TANC2: variants seen among roughly 807,000 people sequenced by gnomAD.
TANC2 encodes tetratricopeptide repeat, ankyrin repeat and coiled-coil containing 2.
A neutral mutation model predicts 210.5 loss-of-function variants in TANC2; 26 were observed. The observed-to-expected ratio is 0.12, with a 90% confidence interval of 0.09 to 0.17. The LOEUF (loss-of-function observed/expected upper bound fraction) is 0.17. Among genes scored for constraint, TANC2 ranks in the 10% least tolerant of loss-of-function variants. The pLI, the probability that TANC2 is intolerant of heterozygous loss-of-function variation, is 1.00. For synonymous variants in TANC2, 931 were observed against 967.1 expected (o/e 0.96, Z 0.69); for missense variants, 2,129 against 2,608.9 (o/e 0.82, Z 4.01).
chr17:63,340,297 G>T (rs768930153), exon 12 of TANC2: 1 of 1,613,900 alleles, frequency 6.2e-7, no homozygotes, highest in South Asian at 1.1e-5. Flanking sequence ...TCCTTCCGGA[G>T]GGGAGTTCTG....
At chr17:63,242,889 A>G (rs901952344) in intron 8 of TANC2, among the ~76,000 whole-genome samples, 4 of 152,202 alleles carry the variant, frequency 2.6e-5, no homozygotes, top group Non-Finnish European at 4.4e-5. Flanking sequence ...AAAAAAATAT[A>G]TGCTATATGA....
intron 1 of TANC2, among the ~76,000 whole-genome samples, chr17:62,971,753 C>G (rs1241836313): frequency 1.3e-5 from 2 of 152,232 alleles, no homozygotes; most frequent in African/African-American, 4.8e-5. Flanking sequence ...GCACCTCCTC[C>G]TGTCAGATCA....
intron 1 of TANC2, among the ~76,000 whole-genome samples, chr17:62,975,571 A>G (rs904651856): frequency 1.5e-5 from 2 of 135,332 alleles, no homozygotes; most frequent in Admixed American, 7.4e-5. Flanking sequence ...TTTTTTTTTT[A>G]ATGTAGAGAC....
intron 9 of TANC2, among the ~76,000 whole-genome samples, chr17:63,312,636 G>A (rs1056842735): frequency 2.0e-5 from 3 of 152,000 alleles, no homozygotes; most frequent in Non-Finnish European, 4.4e-5. Flanking sequence ...AGTACCTGAG[G>A]GACAGAATCA....
chr17:63,260,703 A>G (rs1598728428), intron 8 of TANC2, among the ~76,000 whole-genome samples: 1 of 152,194 alleles, frequency 6.6e-6, no homozygotes, highest in Admixed American at 6.5e-5. Context: ...CAGAGGTTGC[A>G]GTGAGCCAAA....
At chr17:62,982,043 G>T (rs1349983412) in intron 1 of TANC2, among the ~76,000 whole-genome samples, 1 of 151,246 alleles carries the variant, frequency 6.6e-6, no homozygotes, top group Non-Finnish European at 1.5e-5. Context: ...ATGACTGATT[G>T]AATCATTGGC....
intron 1 of TANC2, among the ~76,000 whole-genome samples, chr17:62,984,713 C>A (rs940217614): frequency 6.6e-6 from 1 of 151,756 alleles, no homozygotes; most frequent in South Asian, 2.1e-4. Context: ...TTTTTTCCTT[C>A]ATTCATTGGT....
intron 11 of TANC2, among the ~76,000 whole-genome samples, chr17:63,331,020 G>C (rs2045822681): frequency 6.6e-6 from 1 of 152,202 alleles, no homozygotes. Flanking sequence ...AGGTTGCAGT[G>C]AGCCGAGATG....
intron 1 of TANC2, among the ~76,000 whole-genome samples, chr17:62,992,563 A>G (rs1442748659): frequency 6.6e-6 from 1 of 152,230 alleles, no homozygotes; most frequent in Non-Finnish European, 1.5e-5. Flanking sequence ...TTCAGTGCCA[A>G]ATAAAAAATT....
intron 7 of TANC2, among the ~76,000 whole-genome samples, chr17:63,235,105 AGTT>A (rs1363999028): frequency 6.6e-6 from 1 of 151,788 alleles, no homozygotes; most frequent in Non-Finnish European, 1.5e-5. Flanking sequence ...TTGGCCTTTG[AGTT>A]GTTAGGCCCC....
intron 8 of TANC2, among the ~76,000 whole-genome samples, chr17:63,252,659 T>C (rs2043084014): frequency 6.6e-6 from 1 of 152,188 alleles, no homozygotes; most frequent in South Asian, 2.1e-4. Context: ...TTTCTGTGCC[T>C]GGCTTATTTC....
intron 7 of TANC2, among the ~76,000 whole-genome samples, chr17:63,206,128 G>A (rs2429743): frequency 0.07 from 10,712 of 152,142 alleles, 671 homozygotes; most frequent in African/African-American, 0.16. Context: ...TTAGGGAAAC[G>A]CAAACCAAAA....
At chr17:63,173,968 C>T (rs995691509) in intron 5 of TANC2, among the ~76,000 whole-genome samples, 2 of 152,200 alleles carry the variant, frequency 1.3e-5, no homozygotes, top group Non-Finnish European at 2.9e-5. Flanking sequence ...TTCCACTCTA[C>T]AAGTTCTTTC....
At chr17:63,225,329 T>C (rs1420885300) in intron 7 of TANC2, among the ~76,000 whole-genome samples, 4 of 152,220 alleles carry the variant, frequency 2.6e-5, no homozygotes, top group African/African-American at 9.6e-5. Flanking sequence ...TTTCTTAGAC[T>C]CCTTTGCAGG....
chr17:63,347,160 C>T lies in TANC2; in HGVS notation c.1808-4090C>T, dbSNP rs536489165. 1.1e-3 allele frequency among the ~76,000 whole-genome samples: 167 copies of T among 152,306 alleles called. 1 individual carries two copies. Among genetic ancestry groups the T allele is most frequent in the Non-Finnish European group, 1.9e-3 (129 of 68,020 alleles). On this transcript the variant is annotated intron_variant, in intron 12 of 27. Coordinates refer to ENST00000689528, the Ensembl canonical transcript of TANC2. Reference sequence around the variant, plus strand: ...ATTCATAGTCGTCAAAAACTGGAAACAGCCCAAGTGTCCATCAACAGAATA... The same window carrying T: ...ATTCATAGTCGTCAAAAACTGGAAATAGCCCAAGTGTCCATCAACAGAATA...
intron 21 of TANC2, among the ~76,000 whole-genome samples, chr17:63,407,479 G>T (rs1270147386): frequency 6.6e-6 from 1 of 152,224 alleles, no homozygotes; most frequent in Non-Finnish European, 1.5e-5. Flanking sequence ...TACCTGTCAT[G>T]TGCCAGTAGA....
At chr17:63,243,988 A>G (rs1392203574) in intron 8 of TANC2, among the ~76,000 whole-genome samples, 1 of 152,154 alleles carries the variant, frequency 6.6e-6, no homozygotes, top group Non-Finnish European at 1.5e-5. Flanking sequence ...ATTAAGAAAC[A>G]AAAAAGTCAG....
chr17:63,242,967 C>T (rs562702800), intron 8 of TANC2, among the ~76,000 whole-genome samples: 6 of 152,276 alleles, frequency 3.9e-5, no homozygotes, highest in East Asian at 1.9e-4. Context: ...TGTTATACTG[C>T]GACCATCTAC....
rs566740401 is a variant in TANC2, at chr17:63,277,666, A to T, written c.1159+9793A>T. 3.0e-3 allele frequency among the ~76,000 whole-genome samples: 464 copies of T among 152,156 alleles called. 1 individual carries two copies. Among genetic ancestry groups the T allele is most frequent in the Admixed American group, 0.012 (179 of 15,254 alleles). On this transcript the variant is annotated intron_variant, in intron 9 of 27. Transcript: ENST00000689528. ...ACTTAAGAAAAGCTAAAAAAAAAAA[A>T]TTTAAAGAATAGACACTGCCAGATG...
Sources: allele counts gnomAD v4.1 joint callset (sites outside exome capture counted in the v4.1 genomes callset), GRCh38; gene constraint gnomAD v4.1.1; transcripts MANE v1.5; gene names NCBI Gene and HGNC (gene_info 2026-07-23, HGNC 2026-07-21).